Variants in TGIF1 observed in about 807,000 individuals in gnomAD.
TGIF1 encodes the protein TGFB induced factor homeobox 1.
A neutral mutation model predicts 19.3 loss-of-function variants in TGIF1; 4 were observed. That is an observed-to-expected ratio of 0.21 (90% CI 0.10 to 0.47). TGIF1 has a LOEUF of 0.47. Ranked by LOEUF, TGIF1 falls within the 20% of genes least tolerant of loss-of-function variation. The probability of loss-of-function intolerance (pLI) is 0.98; values close to 1 mark genes in which losing one functional copy is unlikely to be tolerated. For synonymous variants in TGIF1, 122 were observed against 129.3 expected (o/e 0.94, Z 0.38); for missense variants, 275 against 341.4 (o/e 0.81, Z 1.53).
At chr18:3,428,623 G>C (rs1466455318) in intron 2 of TGIF1, among the ~76,000 whole-genome samples, 2 of 152,086 alleles carry the variant, frequency 1.3e-5, no homozygotes. Flanking sequence ...TGTAGTCCCA[G>C]CTGTTTAGGA....
intron 2 of TGIF1, among the ~76,000 whole-genome samples, chr18:3,443,681 G>A (rs953409332): frequency 2.6e-5 from 4 of 151,180 alleles, no homozygotes; most frequent in Admixed American, 6.6e-5. Context: ...GTGAATTCTC[G>A]TGCCTCACGA....
intron 1 of TGIF1, chr18:3,415,224 C>A (rs774277313): frequency 5.4e-5 from 12 of 224,202 alleles, no homozygotes; most frequent in Non-Finnish European, 8.6e-5. Flanking sequence ...GCCCGTTTGG[C>A]AGCTTCTGTC....
In TGIF1 at chr18:3,458,030, T is replaced by G. The variant is rs1327015985; in HGVS notation, c.*90T>G. 9.8e-6 allele frequency: 12 copies of G among 1,218,512 alleles called. No individual in the cohort carries two copies. The East Asian group carries it at 2.8e-4, about 28-fold the overall frequency. 75.5% of individuals were successfully genotyped at this position (1,218,512 alleles called of 1,614,324 possible). A position where few individuals can be genotyped will look rare whatever the true frequency, so the allele number is the denominator to read the frequency against. On this transcript the variant is annotated 3_prime_UTR_variant, in exon 3 of 3. Transcript: ENST00000343820. Reference sequence around the variant, plus strand: ...TTGCATTATTTTATATATTTTTTATTAATATTTGCACATGGGATTGCTAAA... The same window carrying G: ...TTGCATTATTTTATATATTTTTTATGAATATTTGCACATGGGATTGCTAAA...
intron 2 of TGIF1, among the ~76,000 whole-genome samples, chr18:3,422,610 C>G (rs1157939160): frequency 6.6e-6 from 1 of 151,124 alleles, no homozygotes; most frequent in African/African-American, 2.4e-5. Flanking sequence ...CACTCACCGA[C>G]TCACTGAAAG....
chr18:3,448,074 G>GA (rs796656597), upstream of TGIF1: 2 of 953,456 alleles, frequency 2.1e-6, no homozygotes, highest in African/African-American at 5.4e-5. Context: ...TAAAGCGGGC[G>GA]GGGGGGGAGG....
intron 2 of TGIF1, among the ~76,000 whole-genome samples, chr18:3,429,060 A>C (rs1455775506): frequency 1.3e-5 from 2 of 152,230 alleles, no homozygotes; most frequent in East Asian, 3.9e-4. Flanking sequence ...CTCCAAAAAA[A>C]AAAAATTATT....
chr18:3,449,478 T>A, upstream of TGIF1: 2 of 985,476 alleles, frequency 2.0e-6, no homozygotes, highest in Non-Finnish European at 2.4e-6. Flanking sequence ...TGCAATCCAG[T>A]CCGGAACTCG....
chr18:3,420,727 C>G (rs146582297), intron 2 of TGIF1, among the ~76,000 whole-genome samples: 1 of 152,198 alleles, frequency 6.6e-6, no homozygotes, highest in Non-Finnish European at 1.5e-5. Context: ...GACAAATTAT[C>G]TCCTGCAATA....
rs369537237 is a variant in TGIF1, at chr18:3,426,150, A to G, written c.-45+7935A>G. Among the ~76,000 whole-genome samples the G allele has an allele frequency of 6.8e-5, 10 of 146,212 alleles. No individual in the cohort carries two copies. In the East Asian group the frequency reaches 1.6e-3, roughly 23 times the overall value. Reference sequence around the variant, plus strand: ...AGACTTTAGCCCTAATCTCAGGCCCAGTTCTGGCTAGGGTCCTTTTTTTTT... The same window carrying G: ...AGACTTTAGCCCTAATCTCAGGCCCGGTTCTGGCTAGGGTCCTTTTTTTTT... On this transcript the variant is annotated intron_variant, in intron 2 of 3. Coordinates refer to the TGIF1 transcript ENST00000401449.
chr18:3,430,576 C>T (rs1200701044), intron 2 of TGIF1, among the ~76,000 whole-genome samples: 3 of 151,972 alleles, frequency 2.0e-5, no homozygotes, highest in Admixed American at 6.6e-5. Flanking sequence ...GATATTAGTT[C>T]ACTGCAGCCT....
chr18:3,451,174 G>T lies in TGIF1; in HGVS notation c.16+669G>T, dbSNP rs2082912720. Among the ~76,000 whole-genome samples, 1 of 152,190 alleles carries T rather than the reference G, an allele frequency of 6.6e-6. No individual in the cohort carries two copies. The highest frequency in any genetic ancestry group is 1.9e-4 in the East Asian group (1 of 5,190). On this transcript the variant is annotated intron_variant, in intron 1 of 2. Transcript: ENST00000343820. The surrounding 1 kb of genome is among the most constrained non-coding windows in gnomAD (Gnocchi z 5.4). ...AATTTTGGGGCAGGAGGAAGAGTTA[G>T]CACCCAGGGCCAGCAGCTTCAAGCG... is the stretch of plus-strand genomic sequence containing the variant.
At chr18:3,449,538 T>TCCCCCCCCCCCCCCC (rs1254573531), upstream of TGIF1, 1 of 915,984 alleles carries the variant, frequency 1.1e-6, no homozygotes, top group African/African-American at 1.9e-5. Flanking sequence ...GTCTCATCAT[T>TCCCCCCCCCCCCCCC]CCCCCCCGCC....
At chr18:3,432,785 G>C (rs965850717) in intron 2 of TGIF1, among the ~76,000 whole-genome samples, 1 of 151,492 alleles carries the variant, frequency 6.6e-6, no homozygotes, top group South Asian at 2.1e-4. Context: ...TTGAGATGGA[G>C]TTTCACACTT....
chr18:3,434,943 C>G (rs2082595757), intron 2 of TGIF1, among the ~76,000 whole-genome samples: 1 of 152,120 alleles, frequency 6.6e-6, no homozygotes, highest in Admixed American at 6.5e-5. Context: ...ATACAGTCTT[C>G]ATTCTGGCAT....
chr18:3,451,106 A>C lies in TGIF1; in HGVS notation c.16+601A>C, dbSNP rs1167083886. 6.6e-6 allele frequency among the ~76,000 whole-genome samples: 1 copy of C among 152,032 alleles called. No individual in the cohort carries two copies. Among genetic ancestry groups the C allele is most frequent in the East Asian group, 1.9e-4 (1 of 5,186 alleles). ...CGGGTGTAAACAGCTTTGGAAAGCTAGACTTTTACAAATCCCCAGTCTCTA... is the reference window on the plus strand; with the variant it reads ...CGGGTGTAAACAGCTTTGGAAAGCTCGACTTTTACAAATCCCCAGTCTCTA... On this transcript the variant is annotated intron_variant, in intron 1 of 2. Transcript: ENST00000343820. This position sits in a 1 kb window ranked among gnomAD's most constrained non-coding sequence, Gnocchi z 5.4.
At chr18:3,425,877 G>A (rs2082460905) in intron 2 of TGIF1, among the ~76,000 whole-genome samples, 2 of 152,246 alleles carry the variant, frequency 1.3e-5, no homozygotes, top group South Asian at 4.1e-4. Flanking sequence ...GCAGTTACGA[G>A]GACATCCAAC....
At chr18:3,427,661 G>T (rs1358963017) in intron 2 of TGIF1, among the ~76,000 whole-genome samples, 1 of 148,294 alleles carries the variant, frequency 6.7e-6, no homozygotes, top group Non-Finnish European at 1.5e-5. Flanking sequence ...GTGCAGTGAC[G>T]GGCTCTCAGT....
chr18:3,422,865 T>A (rs1331915327), intron 2 of TGIF1, among the ~76,000 whole-genome samples: 2 of 151,892 alleles, frequency 1.3e-5, no homozygotes, highest in Admixed American at 6.6e-5. Context: ...TAATTTTTTG[T>A]ATTTTAGTAG....
upstream of TGIF1, chr18:3,448,516 C>G (rs375656299): frequency 3.0e-6 from 3 of 988,920 alleles, no homozygotes; most frequent in East Asian, 1.1e-4. Flanking sequence ...TCCCCAGGAC[C>G]GCGCTCCCCC....
Sources: gnomAD v4.1 joint callset for allele counts (sites outside exome capture counted in the v4.1 genomes callset) on GRCh38, gnomAD v4.1.1 for gene constraint, Gnocchi (gnomAD v3.1) non-coding constraint, MANE v1.5 for transcripts, NCBI Gene and HGNC (gene_info 2026-07-23, HGNC 2026-07-21) for gene names.